RAB38: variants seen among roughly 807,000 people sequenced by gnomAD.
RAB38 encodes the protein RAB38, member RAS oncogene family.
A neutral mutation model predicts 18.4 loss-of-function variants in RAB38; 15 were observed. The observed-to-expected ratio is 0.82, with a 90% CI of 0.55 to 1.26. The LOEUF is 1.26. Ranked by LOEUF, RAB38 falls within the 50% of genes most tolerant of loss-of-function variation. The pLI, the probability that RAB38 is intolerant of heterozygous loss-of-function variation, is 0.00. For missense variants in RAB38, 294 were observed against 267.4 expected, an observed-to-expected ratio of 1.10 and a Z score of -0.69; for synonymous variants, 101 against 104.4, an observed-to-expected ratio of 0.97 and a Z score of 0.20.
the RAB38 span, among the ~76,000 whole-genome samples, chr11:87,946,222 G>T: frequency 1.3e-5 from 2 of 152,236 alleles, no homozygotes; most frequent in South Asian, 2.1e-4. Flanking sequence ...GACTGGGAAA[G>T]AATGTTTTAG....
At chr11:88,089,566 C>G in the RAB38 span, among the ~76,000 whole-genome samples, 1 of 151,956 alleles carries the variant, frequency 6.6e-6, no homozygotes, top group South Asian at 2.1e-4. Flanking sequence ...ATTTCTCTAA[C>G]CTTGCTACAA....
chr11:87,961,075 C>T, the RAB38 span, among the ~76,000 whole-genome samples: 1 of 152,182 alleles, frequency 6.6e-6, no homozygotes, highest in Non-Finnish European at 1.5e-5. Context: ...TCATGCTGTG[C>T]CTATTAGAAT....
At chr11:87,961,139 T>C in the RAB38 span, among the ~76,000 whole-genome samples, 1 of 152,100 alleles carries the variant, frequency 6.6e-6, no homozygotes, top group African/African-American at 2.4e-5. Context: ...CAAAACCTAA[T>C]GGCACTTGTG....
At chr11:88,034,422 T>C in the RAB38 span, among the ~76,000 whole-genome samples, 5 of 152,368 alleles carry the variant, frequency 3.3e-5, no homozygotes, top group South Asian at 4.1e-4. Flanking sequence ...TTATAAGAAA[T>C]TGCCTACTAT....
At chr11:88,056,696 C>T in the RAB38 span, among the ~76,000 whole-genome samples, 4 of 151,998 alleles carry the variant, frequency 2.6e-5, no homozygotes, top group Middle Eastern at 3.4e-3. Context: ...CCCAGCTACT[C>T]GGAAGGCTGA....
At chr11:88,102,851 A>C in the RAB38 span, among the ~76,000 whole-genome samples, 1 of 151,998 alleles carries the variant, frequency 6.6e-6, no homozygotes, top group Non-Finnish European at 1.5e-5. Flanking sequence ...GCAGTTTCTC[A>C]ATCTTTCTTA....
the RAB38 span, among the ~76,000 whole-genome samples, chr11:88,051,526 C>T: frequency 1.3e-5 from 2 of 150,614 alleles, no homozygotes; most frequent in African/African-American, 2.4e-5. Context: ...AACTTGCAGC[C>T]GGAACCTAAC....
At chr11:87,967,825 G>C in the RAB38 span, among the ~76,000 whole-genome samples, 2 of 152,144 alleles carry the variant, frequency 1.3e-5, no homozygotes, top group African/African-American at 4.8e-5. Context: ...GAGATCATGT[G>C]CTGAAGTCTG....
chr11:87,851,237 C>T, the RAB38 span, among the ~76,000 whole-genome samples: 1 of 152,140 alleles, frequency 6.6e-6, no homozygotes, highest in Admixed American at 6.5e-5. Flanking sequence ...CTTCCCTGAC[C>T]CCTTCCCCAA....
downstream of RAB38, among the ~76,000 whole-genome samples, chr11:88,112,576 G>A (rs1475913662): frequency 2.0e-5 from 3 of 152,026 alleles, no homozygotes; most frequent in African/African-American, 7.2e-5. Flanking sequence ...ACCCTTACAG[G>A]AAAATAGCAG....
chr11:88,089,031 C>A, the RAB38 span, among the ~76,000 whole-genome samples: 1 of 151,744 alleles, frequency 6.6e-6, no homozygotes. Flanking sequence ...GACACAACAA[C>A]AGTTAAATCT....
At chr11:87,839,502 C>G in the RAB38 span, among the ~76,000 whole-genome samples, 2 of 152,114 alleles carry the variant, frequency 1.3e-5, no homozygotes, top group South Asian at 2.1e-4. Flanking sequence ...GACATAGGAT[C>G]AACAAATCAA....
At chr11:87,962,603 C>T in the RAB38 span, among the ~76,000 whole-genome samples, 2 of 152,046 alleles carry the variant, frequency 1.3e-5, no homozygotes, top group Non-Finnish European at 2.9e-5. Flanking sequence ...AAAGAAATGC[C>T]TTAAGTTTTC....
At chr11:87,839,261 G>A in the RAB38 span, among the ~76,000 whole-genome samples, 1 of 152,190 alleles carries the variant, frequency 6.6e-6, no homozygotes, top group Non-Finnish European at 1.5e-5. Flanking sequence ...TACTTTATGG[G>A]TATCTCCAAC....
chr11:88,054,220 T>TCC, the RAB38 span, among the ~76,000 whole-genome samples: 1 of 152,274 alleles, frequency 6.6e-6, no homozygotes, highest in Non-Finnish European at 1.5e-5. Flanking sequence ...AGAGTAACAG[T>TCC]CCCTCTAACT....
At chr11:88,075,894 CAAA>C in the RAB38 span, among the ~76,000 whole-genome samples, 1 of 127,278 alleles carries the variant, frequency 7.9e-6, no homozygotes. Flanking sequence ...AAAAAGAAAA[CAAA>C]AAAAAAAAAG....
the RAB38 span, among the ~76,000 whole-genome samples, chr11:87,860,408 T>C: frequency 2.0e-5 from 3 of 152,032 alleles, no homozygotes; most frequent in Non-Finnish European, 4.4e-5. Context: ...GTTACATTTA[T>C]ATGCAATGTA....
the RAB38 span, among the ~76,000 whole-genome samples, chr11:88,024,412 A>C: frequency 6.6e-6 from 1 of 152,210 alleles, no homozygotes; most frequent in African/African-American, 2.4e-5. Context: ...TATGGAGAAA[A>C]AGAAACTCAT....
intron 2 of RAB38, among the ~76,000 whole-genome samples, chr11:88,122,140 C>A (rs767003182): frequency 1.1e-4 from 17 of 152,088 alleles, no homozygotes; most frequent in Non-Finnish European, 1.8e-4. Flanking sequence ...GACCCCATAA[C>A]CTTAATACGA....
Sources: allele counts gnomAD v4.1 joint callset (sites outside exome capture counted in the v4.1 genomes callset), GRCh38; gene constraint gnomAD v4.1.1; transcripts MANE v1.5; gene names NCBI Gene and HGNC (gene_info 2026-07-23, HGNC 2026-07-21).